The following ARIH1 variants were observed in gnomAD, a reference collection of about 807,000 sequenced individuals.
The protein encoded by ARIH1 is E3 ubiquitin-protein ligase ARIH1.
ARIH1 carries 8 observed loss-of-function variants against 85.0 expected under a neutral mutation model. The ratio of observed to expected loss-of-function variants is 0.09; its 90% CI spans 0.06 to 0.17. The LOEUF (loss-of-function observed/expected upper bound fraction) is 0.17. Ranked by LOEUF, ARIH1 falls within the 10% of genes least tolerant of loss-of-function variation. The pLI, the probability that ARIH1 is intolerant of heterozygous loss-of-function variation, is 1.00. For synonymous variants in ARIH1, 238 were observed against 253.6 expected (o/e 0.94, Z 0.59); for missense variants, 311 against 718.1 (o/e 0.43, Z 6.48).
At chr15:72,516,752 A>G (rs1341525176) in intron 1 of ARIH1, among the ~76,000 whole-genome samples, 2 of 152,238 alleles carry the variant, frequency 1.3e-5, no homozygotes, top group African/African-American at 4.8e-5. Flanking sequence ...AAAACAATTG[A>G]CATACATTTC....
chr15:72,520,046 ATGT>A (rs1247689427), intron 2 of ARIH1, among the ~76,000 whole-genome samples: 2 of 152,164 alleles, frequency 1.3e-5, no homozygotes, highest in Non-Finnish European at 2.9e-5. Context: ...ATTGGATTTA[ATGT>A]TGTACTAAAT....
At chr15:72,562,420 A>G (rs988165362) in intron 6 of ARIH1, among the ~76,000 whole-genome samples, 41 of 152,314 alleles carry the variant, frequency 2.7e-4, no homozygotes, top group African/African-American at 9.9e-4. Flanking sequence ...GAAAGTAATT[A>G]TTTCTGTTAG....
chr15:72,494,521 G>A (rs2063872045), intron 1 of ARIH1, among the ~76,000 whole-genome samples: 1 of 152,166 alleles, frequency 6.6e-6, no homozygotes, highest in Non-Finnish European at 1.5e-5. Context: ...AAGTAGAGTG[G>A]TAGGAGCTGG....
At chr15:72,567,215 T>A (rs2064224598) in intron 9 of ARIH1, 38 bp downstream of exon 9, 2 of 1,535,556 alleles carry the variant, frequency 1.3e-6, no homozygotes. Flanking sequence ...GTAATAAAAA[T>A]GATAAGGATT....
In ARIH1 at chr15:72,595,796, T is replaced by C. The variant is rs2064360974; in HGVS notation, c.*12504T>C. ...CAGTGCCCAGCCTATTGCAGTGTTT[T>C]TTGTTTTTTCTGTTTTTTTTTTTTT... On this transcript the variant is annotated 3_prime_UTR_variant, in exon 14 of 14. Coordinates refer to ENST00000379887, the MANE Select transcript of ARIH1 (RefSeq NM_005744.5). The C allele has an allele frequency of 7.3e-6, 1 of 137,582 alleles. No homozygotes were observed. The highest frequency in any genetic ancestry group is 2.8e-5 in the African/African-American group (1 of 36,104). The allele number at this position is 137,582 out of a possible 1,614,324, so 8.5% of individuals were successfully genotyped here.
At chr15:72,566,735 A>G (rs2064222840) in intron 8 of ARIH1, 130 bp downstream of exon 8, 2 of 789,886 alleles carry the variant, frequency 2.5e-6, no homozygotes, top group Non-Finnish European at 4.1e-6. Context: ...ATTTCAGATG[A>G]TCATTACATG....
chr15:72,530,161 C>G (rs1192081038), intron 2 of ARIH1, among the ~76,000 whole-genome samples: 1 of 152,094 alleles, frequency 6.6e-6, no homozygotes, highest in Non-Finnish European at 1.5e-5. Context: ...TTTGACCGTT[C>G]CTTTCACTAA....
At chr15:72,567,990 G>A (rs1283767229) in intron 9 of ARIH1, among the ~76,000 whole-genome samples, 3 of 152,144 alleles carry the variant, frequency 2.0e-5, no homozygotes, top group Non-Finnish European at 4.4e-5. Flanking sequence ...AATGAAGGCC[G>A]ACGCAGGTTG....
At position 72,559,498 on chromosome 15, in the gene ARIH1, C is replaced by T. The variant is rs528099206; in HGVS notation, c.738-1985C>T. Among the ~76,000 whole-genome samples the T allele has an allele frequency of 2.6e-5, 4 of 152,238 alleles. No homozygotes were observed. The South Asian group carries it at 8.3e-4, about 32-fold the overall frequency. On this transcript the variant is annotated intron_variant, in intron 5 of 13. Coordinates refer to ENST00000379887, the MANE Select transcript of ARIH1 (RefSeq NM_005744.5). ...TGTTGGCCAGGCTGGTTTTGAACTC[C>T]TGACCCCAAGTGATCACCCACCTCT...
Position 72,598,751 on chromosome 15 carries a change from A to G in ARIH1, c.*15459A>G, listed in dbSNP as rs2140448246. Reference sequence around the variant, plus strand: ...AAAAATTTTTTTTTAAACACGTCTCACTGCCACCCAGGCTTGAGTGCCATG... The same window carrying G: ...AAAAATTTTTTTTTAAACACGTCTCGCTGCCACCCAGGCTTGAGTGCCATG... On this transcript the variant is annotated 3_prime_UTR_variant, in exon 14 of 14. Transcript: ENST00000379887. The G allele has an allele frequency of 6.6e-6, 1 of 151,416 alleles. No homozygotes were observed. Among genetic ancestry groups the G allele is most frequent in the East Asian group, 1.9e-4 (1 of 5,144 alleles). 9.4% of individuals were successfully genotyped at this position (151,416 alleles called of 1,614,324 possible).
rs1437319752 is a variant in ARIH1 at position 72,583,578 on chromosome 15, CCTT to C, written c.*287_*289del. On this transcript the variant is annotated 3_prime_UTR_variant, in exon 14 of 14. Coordinates refer to ENST00000379887, the MANE Select transcript of ARIH1 (RefSeq NM_005744.5). ...CGTAGCTTCATTCTCAAAGCTGACT[CCTT>C]TTTTTTCTTTTTCCTTTTCCTGAGT... 1 of 310,646 alleles carries C rather than the reference CCTT, an allele frequency of 3.2e-6. No homozygotes were observed. Among genetic ancestry groups the C allele is most frequent in the Non-Finnish European group, 5.9e-6 (1 of 169,270 alleles). The allele number at this position is 310,646 out of a possible 1,614,324, so 19.2% of individuals were successfully genotyped here. A position where few individuals can be genotyped will look rare whatever the true frequency, so the allele number is the denominator to read the frequency against.
At chr15:72,492,853 C>T (rs1243210938) in intron 1 of ARIH1, among the ~76,000 whole-genome samples, 2 of 152,086 alleles carry the variant, frequency 1.3e-5, no homozygotes, top group Non-Finnish European at 2.9e-5. Context: ...TCTAGTCACC[C>T]TTAGGAATGA....
chr15:72,557,540 C>T (rs936452531), intron 5 of ARIH1, among the ~76,000 whole-genome samples: 2 of 152,204 alleles, frequency 1.3e-5, no homozygotes, highest in East Asian at 3.9e-4. Context: ...TGTACAGAAG[C>T]TCATTAGTTT....
intron 1 of ARIH1, among the ~76,000 whole-genome samples, chr15:72,482,283 T>C (rs2063819619): frequency 1.3e-5 from 2 of 152,220 alleles, no homozygotes; most frequent in African/African-American, 2.4e-5. Context: ...AAGTCCTGGA[T>C]AGATATAAAG....
intron 2 of ARIH1, among the ~76,000 whole-genome samples, chr15:72,536,489 C>G (rs1392814415): frequency 6.6e-6 from 1 of 152,028 alleles, no homozygotes; most frequent in Non-Finnish European, 1.5e-5. Flanking sequence ...TGTAAAAAAG[C>G]TTTTTGATTA....
chr15:72,576,020 G>T (rs767733731), intron 11 of ARIH1, among the ~76,000 whole-genome samples: 172 of 152,192 alleles, frequency 1.1e-3, no homozygotes, highest in Non-Finnish European at 1.9e-3. Flanking sequence ...CGCCCAACTT[G>T]TGTTGGTTTT....
At chr15:72,514,037 A>G (rs1403999496) in intron 1 of ARIH1, among the ~76,000 whole-genome samples, 1 of 150,534 alleles carries the variant, frequency 6.6e-6, no homozygotes, top group Non-Finnish European at 1.5e-5. Flanking sequence ...ATGGGGTCTC[A>G]CCATGTTGCT....
At chr15:72,576,664 ATAAT>A (rs2064272819) in intron 11 of ARIH1, among the ~76,000 whole-genome samples, 1 of 152,184 alleles carries the variant, frequency 6.6e-6, no homozygotes, top group African/African-American at 2.4e-5. Context: ...CCTCATATGA[ATAAT>A]TATATATTAT....
chr15:72,519,023 A>G (rs1022550539), intron 2 of ARIH1, among the ~76,000 whole-genome samples: 2 of 152,116 alleles, frequency 1.3e-5, no homozygotes, highest in African/African-American at 4.8e-5. Context: ...CTGGAGAATG[A>G]CAGTATTAAT....
Sources: gnomAD v4.1 joint callset for allele counts (sites outside exome capture counted in the v4.1 genomes callset) on GRCh38, gnomAD v4.1.1 for gene constraint, MANE v1.5 for transcripts, NCBI Gene and HGNC (gene_info 2026-07-23, HGNC 2026-07-21) for gene names.